NAV1: variants seen among roughly 807,000 people sequenced by gnomAD.
NAV1 encodes neuron navigator 1, also known as pore membrane and/or filament interacting like protein 3.
Under a neutral mutation model 175.2 loss-of-function variants are expected in NAV1, and 18 were observed. The observed-to-expected ratio is 0.10, with a 90% CI of 0.07 to 0.15. NAV1 has a LOEUF of 0.15. Ranked by LOEUF, NAV1 falls within the 10% of genes least tolerant of loss-of-function variation. The pLI, the probability that NAV1 is intolerant of heterozygous loss-of-function variation, is 1.00. For synonymous variants in NAV1, 897 were observed against 978.7 expected (o/e 0.92, Z 1.56); for missense variants, 1,731 against 2,436.6 (o/e 0.71, Z 6.10).
At chr1:201,821,681 A>C (rs1285271616) in exon 30 of NAV1, 3 of 152,186 alleles carry the variant, frequency 2.0e-5, no homozygotes, top group Admixed American at 1.3e-4. Flanking sequence ...AGCTAGAAAG[A>C]AGCTTTTGAT....
chr1:201,812,500 A>G lies in NAV1; in HGVS notation c.5060A>G (p.Asn1687Ser). 5 of 1,614,186 alleles carry G rather than the reference A, an allele frequency of 3.1e-6. No homozygotes were observed. The highest frequency in any genetic ancestry group is 4.2e-6 in the Non-Finnish European group (5 of 1,180,038). The change falls in exon 27 of 30, where the codon AAT becomes AGT. Residue 1687 changes from asparagine to serine, a missense_variant. Coordinates refer to ENST00000367296, the Ensembl canonical transcript of NAV1. This position sits in a 1 kb window ranked among gnomAD's most constrained non-coding sequence, Gnocchi z 4.6. ...TTCTCCAACAACGTGGAGCCAGCCAATGGCTTCCTGGTTCGTTACCTGAGG... is the reference window on the plus strand; with the variant it reads ...TTCTCCAACAACGTGGAGCCAGCCAGTGGCTTCCTGGTTCGTTACCTGAGG...
intron 1 of NAV1, among the ~76,000 whole-genome samples, chr1:201,624,798 C>T (rs1668283763): frequency 6.6e-6 from 1 of 152,028 alleles, no homozygotes; most frequent in Non-Finnish European, 1.5e-5. Flanking sequence ...ATATTTTTTC[C>T]CCTATGCTAA....
chr1:201,617,607 A>G (rs1668043030), intron 2 of NAV1, among the ~76,000 whole-genome samples: 1 of 152,160 alleles, frequency 6.6e-6, no homozygotes, highest in Non-Finnish European at 1.5e-5. Flanking sequence ...GTGTCCTTAT[A>G]GTTTCAGCTA....
At chr1:201,786,258 C>T (rs904226413) in intron 8 of NAV1, among the ~76,000 whole-genome samples, 171 bp from the exon 13 acceptor site, 3 of 152,176 alleles carry the variant, frequency 2.0e-5, no homozygotes, top group African/African-American at 7.2e-5. Flanking sequence ...GGAGAGGAGG[C>T]TGAGTCGCCA....
At chr1:201,692,837 G>T (rs1009499354) in intron 1 of NAV1, among the ~76,000 whole-genome samples, 9 of 152,376 alleles carry the variant, frequency 5.9e-5, no homozygotes, top group African/African-American at 2.2e-4. Flanking sequence ...AGGAGAAACT[G>T]GCAGAGATAG....
rs16849332 is a variant in NAV1 at position 201,781,179 on chromosome 1, A to C, written c.1533A>C (p.Ser511=). 2,529 of 1,614,118 alleles carry C rather than the reference A, an allele frequency of 1.6e-3. 31 individuals are homozygous for C. In the African/African-American group the frequency reaches 0.028, roughly 18 times the overall value. ...AGCGGCCTGAGAGCTGTGATGATTC[A>C]TCCAAGGGTGGAGAACTGAAAAAGC... Residue 511 remains serine (S), a synonymous_variant, in exon 5 of 30, where the codon TCA becomes TCC. Transcript: ENST00000367296.
chr1:201,606,624 C>T (rs1030651534), intron 2 of NAV1, among the ~76,000 whole-genome samples: 20 of 152,290 alleles, frequency 1.3e-4, no homozygotes, highest in African/African-American at 4.6e-4. Context: ...TTCTTTGTAA[C>T]CTCTAACTTA....
chr1:201,589,290 A>G (rs1465011376), intron 2 of NAV1, among the ~76,000 whole-genome samples: 3 of 152,216 alleles, frequency 2.0e-5, no homozygotes, highest in Middle Eastern at 3.2e-3. Context: ...AAACAGAGTT[A>G]AAAATAGAGA....
At chr1:201,704,298 C>G (rs1671568906) in intron 1 of NAV1, among the ~76,000 whole-genome samples, 1 of 152,180 alleles carries the variant, frequency 6.6e-6, no homozygotes, top group South Asian at 2.1e-4. Context: ...GGCGGTGGCT[C>G]CCGAGCCTGA....
rs989900400 is a variant in NAV1 at position 201,812,120 on chromosome 1, A to T, written c.5024+146A>T. ...GAAATAGAAAGTAGATGTATTTGTCATGTCAGTTACAAGGTGGAGGAGGAC... is the reference window on the plus strand; with the variant it reads ...GAAATAGAAAGTAGATGTATTTGTCTTGTCAGTTACAAGGTGGAGGAGGAC... On this transcript the variant is annotated intron_variant, in intron 26 of 29. Coordinates refer to ENST00000367296, the Ensembl canonical transcript of NAV1. The surrounding 1 kb of genome is among the most constrained non-coding windows in gnomAD (Gnocchi z 4.6). 5 of 813,884 alleles carry T rather than the reference A, an allele frequency of 6.1e-6. No individual in the cohort carries two copies. The South Asian group carries it at 6.3e-5, about 10-fold the overall frequency. 50.4% of individuals were successfully genotyped at this position (813,884 alleles called of 1,614,324 possible).
At chr1:201,642,140 T>C (rs1668778665) in intron 2 of NAV1, among the ~76,000 whole-genome samples, 1 of 149,050 alleles carries the variant, frequency 6.7e-6, no homozygotes, top group African/African-American at 2.5e-5. Context: ...CTTTCTTTCT[T>C]TCCTTCTTTT....
intron 15 of NAV1, chr1:201,794,868 GC>G: frequency 5.8e-6 from 2 of 342,002 alleles, no homozygotes; most frequent in Non-Finnish European, 1.1e-5. Context: ...CGTTAAAATA[GC>G]CCTTTACATT....
At chr1:201,676,544 G>T (rs1382897169) in intron 1 of NAV1, among the ~76,000 whole-genome samples, 1 of 151,646 alleles carries the variant, frequency 6.6e-6, no homozygotes, top group Non-Finnish European at 1.5e-5. Flanking sequence ...GAGGGAAGCG[G>T]CTGGGGAGAG....
rs575817628 is a variant in NAV1 at position 201,712,002 on chromosome 1, C to T, written c.758-815C>T. 5.3e-5 allele frequency among the ~76,000 whole-genome samples: 8 copies of T among 152,338 alleles called. No individual in the cohort carries two copies. In the South Asian group the frequency reaches 1.7e-3, roughly 32 times the overall value. ...GACACCAGGGTTGAATACAATGGCT[C>T]TTGGTGATTTGGGATTCTGAGGATT... On this transcript the variant is annotated intron_variant, in intron 1 of 29. Transcript: ENST00000367296.
chr1:201,569,690 G>T (rs545714897), intron 1 of NAV1, among the ~76,000 whole-genome samples: 31 of 152,304 alleles, frequency 2.0e-4, no homozygotes, highest in African/African-American at 7.5e-4. Flanking sequence ...ACACAGAGAG[G>T]GGCCCTGTGA....
chr1:201,579,310 A>G (rs1333266334), intron 1 of NAV1, among the ~76,000 whole-genome samples: 1 of 152,010 alleles, frequency 6.6e-6, no homozygotes, highest in Admixed American at 6.5e-5. Context: ...GAACTCAGAG[A>G]CCTCATCGCC....
intron 7 of NAV1, among the ~76,000 whole-genome samples, chr1:201,784,921 A>C (rs1676616741): frequency 6.6e-6 from 1 of 151,720 alleles, no homozygotes; most frequent in South Asian, 2.1e-4. Context: ...GGCGCCCACC[A>C]CTGCGTCTGG....
At chr1:201,800,667 C>G (rs777075695) in intron 15 of NAV1, among the ~76,000 whole-genome samples, 7 of 152,050 alleles carry the variant, frequency 4.6e-5, no homozygotes, top group Non-Finnish European at 8.8e-5. Flanking sequence ...CTGAGTCACC[C>G]CTTCAAATCC....
At chr1:201,608,193 C>G (rs750477782) in intron 2 of NAV1, among the ~76,000 whole-genome samples, 6 of 152,102 alleles carry the variant, frequency 3.9e-5, no homozygotes, top group African/African-American at 1.4e-4. Flanking sequence ...GATGAAACAA[C>G]GAAAGCTTAG....
Sources: allele counts gnomAD v4.1 joint callset (sites outside exome capture counted in the v4.1 genomes callset), GRCh38; gene constraint gnomAD v4.1.1; non-coding constraint Gnocchi (gnomAD v3.1); transcripts MANE v1.5; gene names NCBI Gene and HGNC (gene_info 2026-07-23, HGNC 2026-07-21).